LPAR1: variants seen among roughly 807,000 people sequenced by gnomAD.
LPAR1 encodes lysophosphatidic acid receptor 1.
In LPAR1, 5 loss-of-function variants were observed where a neutral mutation model predicts 23.8. That is an observed-to-expected ratio of 0.21 (90% CI 0.11 to 0.44). LPAR1 has a LOEUF of 0.44. Ranked by LOEUF, LPAR1 falls within the 20% of genes least tolerant of loss-of-function variation. The pLI is 0.99. For synonymous variants in LPAR1, 160 were observed against 164.7 expected, an observed-to-expected ratio of 0.97 and a Z score of 0.22; for missense variants, 311 against 482.8, an observed-to-expected ratio of 0.64 and a Z score of 3.33.
intron 5 of LPAR1, among the ~76,000 whole-genome samples, chr9:110,898,710 C>T (rs2087428469): frequency 6.6e-6 from 1 of 152,226 alleles, no homozygotes; most frequent in Admixed American, 6.5e-5. Flanking sequence ...TCAAATTCCT[C>T]ATCTACAAAA....
intron 2 of LPAR1, among the ~76,000 whole-genome samples, chr9:111,001,392 T>C (rs2097125818): frequency 3.9e-5 from 6 of 152,116 alleles, no homozygotes. Flanking sequence ...TTAAAAGCCA[T>C]GTAATGAAGG....
intron 5 of LPAR1, among the ~76,000 whole-genome samples, chr9:110,888,000 T>C (rs2082876104): frequency 6.6e-6 from 1 of 152,158 alleles, no homozygotes; most frequent in Non-Finnish European, 1.5e-5. Flanking sequence ...ACCCATAAAG[T>C]AGAATCCTAT....
chr9:110,927,970 C>T (rs2094158429), intron 5 of LPAR1, among the ~76,000 whole-genome samples: 1 of 152,050 alleles, frequency 6.6e-6, no homozygotes, highest in Admixed American at 6.6e-5. Flanking sequence ...ATCAATGTTA[C>T]TGTAATTCTG....
rs7047251 is a variant in LPAR1 at position 110,976,322 on chromosome 9, G to T, written c.-181-2764C>A. Among the ~76,000 whole-genome samples the T allele has an allele frequency of 7.0e-3, 1,023 of 146,930 alleles. 6 individuals carry two copies. Among genetic ancestry groups the T allele is most frequent in the Non-Finnish European group, 0.011 (747 of 67,288 alleles). ...CCTGGCCAAGATGGTGAAACCCCGTGTCTACTAAAAATACAAAAAAAAAAA... is the reference window on the plus strand; with the variant it reads ...CCTGGCCAAGATGGTGAAACCCCGTTTCTACTAAAAATACAAAAAAAAAAA... On this transcript the variant is annotated intron_variant, in intron 2 of 5. Transcript: ENST00000683809.
At chr9:110,993,774 T>C (rs909817888) in intron 2 of LPAR1, among the ~76,000 whole-genome samples, 16 of 152,212 alleles carry the variant, frequency 1.1e-4, no homozygotes, top group Non-Finnish European at 2.2e-4. Context: ...GAGATATGCC[T>C]GTTCCTCAGA....
chr9:110,889,341 G>GAGTA (rs1383100130), intron 5 of LPAR1, among the ~76,000 whole-genome samples: 2 of 152,076 alleles, frequency 1.3e-5, no homozygotes, highest in Non-Finnish European at 2.9e-5. Flanking sequence ...CTGGGCAACA[G>GAGTA]AGTAAGACTC....
intron 4 of LPAR1, among the ~76,000 whole-genome samples, chr9:110,963,744 A>G (rs2096088855): frequency 6.6e-6 from 1 of 152,246 alleles, no homozygotes; most frequent in African/African-American, 2.4e-5. Flanking sequence ...ATCTATCAAA[A>G]GGCTGATACT....
intron 5 of LPAR1, among the ~76,000 whole-genome samples, chr9:110,911,409 G>A (rs1009699261): frequency 6.6e-6 from 1 of 152,106 alleles, no homozygotes; most frequent in Non-Finnish European, 1.5e-5. Context: ...CAGGCATGGT[G>A]GTTCACACCT....
intron 2 of LPAR1, among the ~76,000 whole-genome samples, chr9:111,005,481 G>A (rs1057146339): frequency 6.9e-6 from 1 of 144,284 alleles, no homozygotes; most frequent in African/African-American, 2.6e-5. Flanking sequence ...CCAGGAGGTG[G>A]AGGTTGCAGT....
At chr9:111,012,463 ACG>A (rs148908097) in intron 2 of LPAR1, among the ~76,000 whole-genome samples, 3 of 130,450 alleles carry the variant, frequency 2.3e-5, no homozygotes, top group Admixed American at 8.0e-5. Context: ...GCATGTACGC[ACG>A]CGCGCACACA....
intron 5 of LPAR1, among the ~76,000 whole-genome samples, chr9:110,930,872 G>A (rs924027678): frequency 2.0e-5 from 3 of 152,058 alleles, no homozygotes; most frequent in Middle Eastern, 3.2e-3. Flanking sequence ...CCGAGATCAC[G>A]CCACTGCACT....
At position 110,974,662 on chromosome 9, in the gene LPAR1, G is replaced by A. The variant is rs562399239; in HGVS notation, c.-181-1104C>T. On this transcript the variant is annotated intron_variant, in intron 2 of 5. Coordinates refer to ENST00000683809, the MANE Select transcript of LPAR1 (RefSeq NM_001351411.2). ...TAAAGTTCTCAAGTTATCTTGTCAT[G>A]ACATTCAACACCGAATTCCACAGCT... Among the ~76,000 whole-genome samples, 4 of 152,284 alleles carry A rather than the reference G, an allele frequency of 2.6e-5. No homozygotes were observed. The South Asian group carries it at 8.3e-4, about 32-fold the overall frequency.
chr9:111,012,324 G>A (rs1056062695), intron 2 of LPAR1, among the ~76,000 whole-genome samples: 2 of 152,154 alleles, frequency 1.3e-5, no homozygotes, highest in Non-Finnish European at 2.9e-5. Flanking sequence ...TGAACACTGT[G>A]AGCAGGCTGA....
At chr9:111,001,064 A>G (rs2097120379) in intron 2 of LPAR1, among the ~76,000 whole-genome samples, 1 of 152,222 alleles carries the variant, frequency 6.6e-6, no homozygotes, top group Admixed American at 6.5e-5. Flanking sequence ...CTCCTCAAAA[A>G]GGAATAGGGT....
chr9:111,005,275 G>C (rs1271057961), intron 2 of LPAR1, among the ~76,000 whole-genome samples: 1 of 151,140 alleles, frequency 6.6e-6, no homozygotes, highest in African/African-American at 2.4e-5. Flanking sequence ...CAATTGTTAA[G>C]AATTGGGAGG....
intron 5 of LPAR1, among the ~76,000 whole-genome samples, chr9:110,921,968 T>C (rs548589483): frequency 3.3e-5 from 5 of 152,298 alleles, no homozygotes; most frequent in South Asian, 2.1e-4. Context: ...CGGGGCTGCA[T>C]CTAGGTCTGC....
intron 5 of LPAR1, among the ~76,000 whole-genome samples, chr9:110,878,766 G>T (rs575407861): frequency 6.6e-6 from 1 of 152,136 alleles, no homozygotes; most frequent in South Asian, 2.1e-4. Flanking sequence ...GCACGCTGGC[G>T]TTGCAGAGCC....
At chr9:110,894,918 C>T (rs144309135) in intron 5 of LPAR1, among the ~76,000 whole-genome samples, 122 of 151,646 alleles carry the variant, frequency 8.0e-4, no homozygotes, top group African/African-American at 2.9e-3. Flanking sequence ...CATGGGAGGC[C>T]GAGGTGGGGG....
intron 5 of LPAR1, among the ~76,000 whole-genome samples, chr9:110,887,644 G>A (rs1053312064): frequency 1.3e-5 from 2 of 152,002 alleles, no homozygotes; most frequent in East Asian, 1.9e-4. Flanking sequence ...TGGGTGCTTC[G>A]GCTACAGAAT....
Sources: allele counts gnomAD v4.1 joint callset (sites outside exome capture counted in the v4.1 genomes callset), GRCh38; gene constraint gnomAD v4.1.1; transcripts MANE v1.5; gene names NCBI Gene and HGNC (gene_info 2026-07-23, HGNC 2026-07-21).